VSTM1: variants seen among roughly 807,000 people sequenced by gnomAD.
VSTM1 encodes V-set and transmembrane domain containing 1.
In VSTM1, 27 loss-of-function variants were observed where a neutral mutation model predicts 33.1. The ratio of observed to expected loss-of-function variants is 0.82; its 90% CI spans 0.60 to 1.12. The LOEUF (loss-of-function observed/expected upper bound fraction) is 1.12. Ranked by LOEUF, VSTM1 falls within the 50% of genes most tolerant of loss-of-function variation. The pLI, the probability that VSTM1 is intolerant of heterozygous loss-of-function variation, is 0.00. For synonymous variants in VSTM1, 115 were observed against 110.3 expected (o/e 1.04, Z -0.27); for missense variants, 304 against 288.9 (o/e 1.05, Z -0.38).
chr19:54,056,310 C>T (rs1407439913), intron 3 of VSTM1, among the ~76,000 whole-genome samples: 3 of 130,186 alleles, frequency 2.3e-5, no homozygotes, highest in African/African-American at 8.8e-5. Flanking sequence ...CAGCCTCTGC[C>T]TCTGGGGTTC....
chr19:54,041,387 C>T (rs896434527), intron 8 of VSTM1, among the ~76,000 whole-genome samples: 4 of 151,906 alleles, frequency 2.6e-5, no homozygotes, highest in African/African-American at 7.3e-5. Context: ...CTGCAACCTC[C>T]GCCTCCCGGG....
At chr19:54,043,256 G>A (rs2070409361) in intron 4 of VSTM1, among the ~76,000 whole-genome samples, 1 of 152,006 alleles carries the variant, frequency 6.6e-6, no homozygotes, top group African/African-American at 2.4e-5. Context: ...AAGGTGGAAG[G>A]AATTCTGCCT....
At chr19:54,059,232 TG>T (rs1296774982) in intron 1 of VSTM1, among the ~76,000 whole-genome samples, 1 of 151,976 alleles carries the variant, frequency 6.6e-6, no homozygotes, top group Non-Finnish European at 1.5e-5. Flanking sequence ...GGCTAATTTT[TG>T]CATTTTTAGT....
At chr19:54,042,059 C>G (rs2070307914) in intron 6 of VSTM1, 106 bp from the exon 7 acceptor site, 12 of 1,605,204 alleles carry the variant, frequency 7.5e-6, no homozygotes. Context: ...GGAGGAAGGT[C>G]ACAGAATGGG....
chr19:54,041,149 T>C, intron 8 of VSTM1, 69 bp from the exon 9 acceptor site: 1 of 1,411,252 alleles, frequency 7.1e-7, no homozygotes, highest in Non-Finnish European at 9.4e-7. Context: ...CACATGGCTA[T>C]TGACATTTAA....
chr19:54,045,538 C>A (rs2070533052), intron 4 of VSTM1, among the ~76,000 whole-genome samples: 1 of 152,122 alleles, frequency 6.6e-6, no homozygotes, highest in Non-Finnish European at 1.5e-5. Context: ...TATCACTTAT[C>A]TATCTACCGA....
At chr19:54,041,659 T>A in intron 8 of VSTM1, 120 bp downstream of exon 8, 3 of 1,163,436 alleles carry the variant, frequency 2.6e-6, no homozygotes, top group Non-Finnish European at 3.6e-6. Flanking sequence ...TCGTGACTTG[T>A]CTAAGACCAC....
At position 54,054,567 on chromosome 19, in the gene VSTM1, C is replaced by T. The variant is rs1045993591; in HGVS notation, c.356-3119G>A. The stretch of plus-strand genomic sequence containing the variant: ...AGGGATTTCCCATGATATGGCAGGA[C>T]TGACCTACTGGAAGCAACTGTGGTC... On this transcript the variant is annotated intron_variant, in intron 3 of 8. Transcript: ENST00000338372. 2.1e-5 allele frequency among the ~76,000 whole-genome samples: 3 copies of T among 142,596 alleles called. No homozygotes were observed. In the East Asian group the frequency reaches 6.0e-4, roughly 29 times the overall value. 93.5% of individuals were successfully genotyped at this position (142,596 alleles called of 152,430 possible). A position where few individuals can be genotyped will look rare whatever the true frequency, so the allele number is the denominator to read the frequency against.
intron 8 of VSTM1, 133 bp downstream of exon 8, chr19:54,041,646 G>T: frequency 9.5e-7 from 1 of 1,047,946 alleles, no homozygotes; most frequent in Non-Finnish European, 1.4e-6. Flanking sequence ...CATTAGGGGA[G>T]TTTCGTGACT....
chr19:54,046,824 GAT>G (rs2146061342), intron 4 of VSTM1, among the ~76,000 whole-genome samples: 1 of 152,258 alleles, frequency 6.6e-6, no homozygotes, highest in African/African-American at 2.4e-5. Flanking sequence ...TGGAGCCAAA[GAT>G]ACCATCTGAG....
At chr19:54,048,210 G>A (rs1396592821) in intron 4 of VSTM1, among the ~76,000 whole-genome samples, 1 of 152,062 alleles carries the variant, frequency 6.6e-6, no homozygotes, top group African/African-American at 2.4e-5. Flanking sequence ...CAACCTCCTG[G>A]GCGCAAACGA....
chr19:54,054,624 T>C (rs2070994716), intron 3 of VSTM1, among the ~76,000 whole-genome samples: 1 of 121,950 alleles, frequency 8.2e-6, no homozygotes, highest in Admixed American at 9.5e-5. Context: ...GACTAATAAA[T>C]GAATGGATGA....
At chr19:54,062,954 A>G (rs1600175432) in intron 1 of VSTM1, among the ~76,000 whole-genome samples, 2 of 152,144 alleles carry the variant, frequency 1.3e-5, no homozygotes, top group East Asian at 3.9e-4. Flanking sequence ...AACCCAGGTC[A>G]TCCGTTTCAC....
chr19:54,054,812 G>T (rs2071008234), intron 3 of VSTM1, among the ~76,000 whole-genome samples: 1 of 136,060 alleles, frequency 7.3e-6, no homozygotes, highest in Admixed American at 7.7e-5. Context: ...CAGATGAATG[G>T]AAGGGTTGGT....
chr19:54,042,308 T>C lies in VSTM1; in HGVS notation c.456A>G (p.Ser152=). Residue 152 remains serine, a synonymous_variant, in exon 5 of 9, where the codon TCA becomes TCG. Transcript: ENST00000338372. ...GGCTGCATCTGTAGATGATGAAGAC[T>C]GAGAGGAAGAGGAGAAGGATGGAGA... is the stretch of plus-strand genomic sequence containing the variant. The part of the protein sequence containing the change: ...SCISILLLFL[S]VFIIYRCSQH... 1 of 1,613,626 alleles carries C rather than the reference T, an allele frequency of 6.2e-7. No homozygotes were observed. Among genetic ancestry groups the C allele is most frequent in the Non-Finnish European group, 8.5e-7 (1 of 1,179,900 alleles).
chr19:54,045,853 CATCT>C (rs1391002746), intron 4 of VSTM1, among the ~76,000 whole-genome samples: 2 of 152,112 alleles, frequency 1.3e-5, no homozygotes, highest in African/African-American at 2.4e-5. Flanking sequence ...TCTAATCTAT[CATCT>C]ATCTAATGTA....
At chr19:54,060,853 C>G (rs1214541932) in intron 1 of VSTM1, among the ~76,000 whole-genome samples, 1 of 151,642 alleles carries the variant, frequency 6.6e-6, no homozygotes, top group Admixed American at 6.6e-5. Context: ...ACCACGCTGG[C>G]TGATTTTAAA....
chr19:54,053,619 C>T (rs937921664), intron 3 of VSTM1, among the ~76,000 whole-genome samples: 9 of 141,532 alleles, frequency 6.4e-5, no homozygotes, highest in African/African-American at 2.3e-4. Flanking sequence ...GTCAAGCCTC[C>T]AGATGAGCCA....
intron 4 of VSTM1, among the ~76,000 whole-genome samples, chr19:54,043,732 G>T (rs1480308881): frequency 6.6e-6 from 1 of 152,092 alleles, no homozygotes. Flanking sequence ...TGTTCTATTG[G>T]TTCTGTTTTT....
Sources: gnomAD v4.1 joint callset for allele counts (sites outside exome capture counted in the v4.1 genomes callset) on GRCh38, gnomAD v4.1.1 for gene constraint, MANE v1.5 for transcripts, NCBI Gene and HGNC (gene_info 2026-07-23, HGNC 2026-07-21) for gene names.